BRD4: variants seen among roughly 807,000 people sequenced by gnomAD.
BRD4 encodes the protein bromodomain containing 4, also known as bromodomain-containing protein 4.
A neutral mutation model predicts 142.1 loss-of-function variants in BRD4; 16 were observed. The ratio of observed to expected loss-of-function variants is 0.11; its 90% CI spans 0.08 to 0.17. The LOEUF (loss-of-function observed/expected upper bound fraction) is 0.17, where lower values mean the gene tolerates loss of function less well. Ranked by LOEUF, BRD4 falls within the 10% of genes least tolerant of loss-of-function variation. BRD4 has a pLI of 1.00. For missense variants in BRD4, 1,424 were observed against 1,810.9 expected (o/e 0.79, Z 3.88); for synonymous variants, 833 against 707.5 (o/e 1.18, Z -2.82).
chr19:15,286,037 T>C (rs1301541726), intron 1 of BRD4, among the ~76,000 whole-genome samples: 1 of 152,178 alleles, frequency 6.6e-6, no homozygotes, highest in Admixed American at 6.5e-5. Flanking sequence ...GCTTGCCTCG[T>C]CCAGGGAGGG....
intron 14 of BRD4, among the ~76,000 whole-genome samples, chr19:15,242,186 C>T (rs534589879): frequency 3.9e-5 from 6 of 151,972 alleles, no homozygotes; most frequent in Admixed American, 6.5e-5. Context: ...AGGCAGCACC[C>T]GGTACACACC....
At chr19:15,270,301 G>A (rs556218176) in intron 2 of BRD4, among the ~76,000 whole-genome samples, 55 of 152,294 alleles carry the variant, frequency 3.6e-4, no homozygotes, top group African/African-American at 1.2e-3. Context: ...TGACATCCAC[G>A]AGAAAGAGTC....
intron 1 of BRD4, among the ~76,000 whole-genome samples, chr19:15,326,061 C>T (rs1244639749): frequency 7.0e-6 from 1 of 142,702 alleles, no homozygotes; most frequent in Non-Finnish European, 1.5e-5. Context: ...TCCAAATGTC[C>T]AAAAATAGCA....
chr19:15,236,919 G>A lies in BRD4; in HGVS notation c.*1458C>T, dbSNP rs1294572230. The A allele has an allele frequency of 1.5e-5, 3 of 205,112 alleles. No homozygotes were observed. Among genetic ancestry groups the A allele is most frequent in the African/African-American group, 2.3e-5 (1 of 43,458 alleles). The allele number at this position is 205,112 out of a possible 1,614,324, so 12.7% of individuals were successfully genotyped here. A position where few individuals can be genotyped will look rare whatever the true frequency, so the allele number is the denominator to read the frequency against. ...CCGTATGAAAGTCAAACCAGTCAGTGACTCCAGAGTTTGGCCAACACTGAG... is the reference window on the plus strand; with the variant it reads ...CCGTATGAAAGTCAAACCAGTCAGTAACTCCAGAGTTTGGCCAACACTGAG... On this transcript the variant is annotated 3_prime_UTR_variant, in exon 20 of 20. Transcript: ENST00000679869.
At chr19:15,331,640 G>A (rs775939866) in intron 1 of BRD4, among the ~76,000 whole-genome samples, 1 of 152,096 alleles carries the variant, frequency 6.6e-6, no homozygotes, top group Non-Finnish European at 1.5e-5. Context: ...CCCTTTCTCC[G>A]CAGCACTCCG....
intron 1 of BRD4, among the ~76,000 whole-genome samples, chr19:15,284,561 C>A (rs780401415): frequency 6.6e-6 from 1 of 152,208 alleles, no homozygotes; most frequent in Non-Finnish European, 1.5e-5. Context: ...GGGGTCCCCA[C>A]CTTCCAGGCA....
At chr19:15,294,962 T>C (rs896605028) in intron 1 of BRD4, among the ~76,000 whole-genome samples, 2 of 152,186 alleles carry the variant, frequency 1.3e-5, no homozygotes, top group Non-Finnish European at 2.9e-5. Context: ...AAACTACAGT[T>C]CAGCTATGAA....
intron 1 of BRD4, among the ~76,000 whole-genome samples, chr19:15,331,547 G>C (rs113799317): frequency 0.015 from 2,356 of 152,302 alleles, 50 homozygotes; most frequent in African/African-American, 0.054. Flanking sequence ...GGCCAAGCTC[G>C]CCTCCAGGGC....
intron 7 of BRD4, among the ~76,000 whole-genome samples, chr19:15,260,799 A>C (rs1359813897): frequency 1.1e-5 from 1 of 88,642 alleles, no homozygotes; most frequent in African/African-American, 4.5e-5. Flanking sequence ...AGAAAAATGC[A>C]AAAAAAAAAA....
In BRD4 at chr19:15,240,028, A is replaced by G; in HGVS notation, c.3170-6T>C. ...GGGGGCTTCGCGGAGGTGACCTAGG[A>G]GAAGGGACAAGGAATGTGTCAAGGG... On this transcript the variant is annotated splice_polypyrimidine_tract_variant and splice_region_variant and intron_variant, in intron 14 of 19. Transcript: ENST00000679869. 3 of 1,606,436 alleles carry G rather than the reference A, an allele frequency of 1.9e-6. No individual in the cohort carries two copies. The highest frequency in any genetic ancestry group is 2.6e-6 in the Non-Finnish European group (3 of 1,176,352).
At chr19:15,308,158 G>T (rs1299577321) in intron 1 of BRD4, among the ~76,000 whole-genome samples, 1 of 47,096 alleles carries the variant, frequency 2.1e-5, no homozygotes, top group Non-Finnish European at 4.8e-5. Context: ...GGGGGGGGGG[G>T]GGGGGGTGGG....
At chr19:15,255,940 G>A in intron 9 of BRD4, 124 bp downstream of exon 9, 1 of 1,316,488 alleles carries the variant, frequency 7.6e-7, no homozygotes, top group Non-Finnish European at 1.0e-6. Flanking sequence ...GGCCTGTGAA[G>A]CCACGGCTGC....
chr19:15,330,537 G>A (rs749023875), intron 1 of BRD4, among the ~76,000 whole-genome samples: 2 of 152,182 alleles, frequency 1.3e-5, no homozygotes, highest in Non-Finnish European at 2.9e-5. Flanking sequence ...AAGCCGAGGA[G>A]GATGGAACAC....
intron 1 of BRD4, among the ~76,000 whole-genome samples, chr19:15,277,976 G>A (rs2047665867): frequency 6.7e-6 from 1 of 148,434 alleles, no homozygotes; most frequent in African/African-American, 2.5e-5. Flanking sequence ...CATGGCAGCG[G>A]GCGCCTGTAG....
In BRD4 at chr19:15,264,611, C is replaced by T; in HGVS notation, c.1005G>A (p.Val335=). The T allele has an allele frequency of 2.5e-6, 4 of 1,614,116 alleles. No homozygotes were observed. Among genetic ancestry groups the T allele is most frequent in the Non-Finnish European group, 3.4e-6 (4 of 1,180,034 alleles). ...SRPVKPPKKD[V]PDSQQHPAPE... ...GTGCTGGGTGCTGCTGAGAGTCGGGCACGTCCTTCTTTGGAGGTTTCACAG... is the reference window on the plus strand; with the variant it reads ...GTGCTGGGTGCTGCTGAGAGTCGGGTACGTCCTTCTTTGGAGGTTTCACAG... The change falls in exon 6 of 20, where the codon GTG becomes GTA. Residue 335 remains valine, a synonymous_variant. Coordinates refer to ENST00000679869, the MANE Select transcript of BRD4 (RefSeq NM_001379291.1).
In BRD4 at chr19:15,243,069, C is replaced by A; in HGVS notation, c.3000G>T (p.Gln1000His). 4 of 1,525,860 alleles carry A rather than the reference C, an allele frequency of 2.6e-6. No homozygotes were observed. The highest frequency in any genetic ancestry group is 3.5e-6 in the Non-Finnish European group (4 of 1,138,112). The allele number at this position is 1,525,860 out of a possible 1,614,324, so 94.5% of individuals were successfully genotyped here. ...GGATGTGGGTGGAAAACTGCATGGG[C>A]TGCAAGTGCACGGGCCGTGGAGGGG... Reference protein sequence around the residue: ...HQPPPRPVHLQPMQFSTHIQQ... With the variant: ...HQPPPRPVHLHPMQFSTHIQQ... The change falls in exon 14 of 20, where the codon CAG becomes CAT. Residue 1000 changes from glutamine to histidine, a missense_variant. Around this residue, in one of 16 missense-constraint regions of BRD4, gnomAD observed 598 missense variants for 647.8 expected, o/e 0.92. Transcript: ENST00000679869.
At chr19:15,276,291 C>T (rs149230063) in intron 1 of BRD4, among the ~76,000 whole-genome samples, 245 of 152,280 alleles carry the variant, frequency 1.6e-3, no homozygotes, top group African/African-American at 5.5e-3. Context: ...TATGTGAGAC[C>T]CAGATGACTT....
chr19:15,242,581 C>G (rs926580479), intron 14 of BRD4, among the ~76,000 whole-genome samples: 5 of 152,140 alleles, frequency 3.3e-5, no homozygotes, highest in Admixed American at 6.5e-5. Flanking sequence ...TCCTGACCCC[C>G]TGAGGTGCAT....
At chr19:15,287,497 A>T (rs973917181) in intron 1 of BRD4, among the ~76,000 whole-genome samples, 10 of 152,148 alleles carry the variant, frequency 6.6e-5, no homozygotes, top group African/African-American at 2.2e-4. Context: ...TTCCTGCCTC[A>T]GTCTCCCAAA....
Sources: gnomAD v4.1 joint callset for allele counts (sites outside exome capture counted in the v4.1 genomes callset) on GRCh38, gnomAD v4.1.1 for gene constraint, gnomAD v4.1.1 regional missense constraint, MANE v1.5 for transcripts, NCBI Gene and HGNC (gene_info 2026-07-23, HGNC 2026-07-21) for gene names.